Variants in NSMCE2 observed in about 807,000 individuals in gnomAD.
The protein encoded by NSMCE2 is NSE2 SUMO ligase component of SMC5/6 complex.
Under a neutral mutation model 23.8 loss-of-function variants are expected in NSMCE2, and 24 were observed. The ratio of observed to expected loss-of-function variants is 1.01; its 90% CI spans 0.73 to 1.42. NSMCE2 has a LOEUF of 1.42. NSMCE2 is among the 40% of genes most tolerant of loss of function. NSMCE2 has a pLI of 0.00. For synonymous variants in NSMCE2, 92 were observed against 94.1 expected (o/e 0.98, Z 0.13); for missense variants, 284 against 296.5 (o/e 0.96, Z 0.31).
chr8:125,280,723 C>G (rs528244597), intron 5 of NSMCE2, among the ~76,000 whole-genome samples: 1 of 152,172 alleles, frequency 6.6e-6, no homozygotes, highest in Non-Finnish European at 1.5e-5. Context: ...GGGTCCCAGA[C>G]AGGAGAAAGC....
chr8:125,116,831 A>G (rs143768704), intron 3 of NSMCE2, among the ~76,000 whole-genome samples: 218 of 151,996 alleles, frequency 1.4e-3, no homozygotes, highest in African/African-American at 4.4e-3. Context: ...ATATGGGCCA[A>G]TGGCCATACT....
intron 3 of NSMCE2, among the ~76,000 whole-genome samples, chr8:125,139,781 T>C (rs969442394): frequency 3.9e-5 from 6 of 152,164 alleles, no homozygotes; most frequent in African/African-American, 1.4e-4. Context: ...TTCCCACATA[T>C]ATTTGTTTGC....
intron 5 of NSMCE2, among the ~76,000 whole-genome samples, chr8:125,243,725 G>A (rs535330065): frequency 6.6e-6 from 1 of 152,248 alleles, no homozygotes; most frequent in East Asian, 1.9e-4. Flanking sequence ...TGGAGTGAGG[G>A]AGGCGATAGT....
chr8:125,326,060 A>G (rs566332837), intron 5 of NSMCE2, among the ~76,000 whole-genome samples: 8 of 152,262 alleles, frequency 5.3e-5, no homozygotes, highest in African/African-American at 1.9e-4. Context: ...GATCGAGACC[A>G]TCCTGGATAA....
chr8:125,200,473 A>C (rs202061522), intron 5 of NSMCE2, among the ~76,000 whole-genome samples: 1 of 152,000 alleles, frequency 6.6e-6, no homozygotes, highest in Admixed American at 6.6e-5. Flanking sequence ...GTTGAAAATT[A>C]TTTTCTTTAA....
chr8:125,096,161 C>T (rs1036804457), intron 1 of NSMCE2, among the ~76,000 whole-genome samples: 2 of 152,172 alleles, frequency 1.3e-5, no homozygotes, highest in South Asian at 2.1e-4. Flanking sequence ...CTGCATCAAG[C>T]TATCAAATGG....
chr8:125,246,631 A>G (rs1355657160), intron 5 of NSMCE2, among the ~76,000 whole-genome samples: 1 of 152,222 alleles, frequency 6.6e-6, no homozygotes, highest in African/African-American at 2.4e-5. Context: ...TCAAACTTTG[A>G]AGGAACACAA....
intron 5 of NSMCE2, among the ~76,000 whole-genome samples, chr8:125,245,483 A>C (rs1377648261): frequency 1.3e-5 from 2 of 152,248 alleles, no homozygotes; most frequent in African/African-American, 4.8e-5. Context: ...GCAAGAACAT[A>C]CATAACTTAC....
Position 125,280,854 on chromosome 8 carries a change from G to T in NSMCE2, c.419-76365G>T, listed in dbSNP as rs79398367. On this transcript the variant is annotated intron_variant, in intron 5 of 7. Coordinates refer to ENST00000287437, the MANE Select transcript of NSMCE2 (RefSeq NM_173685.4). Reference sequence around the variant, plus strand: ...GTAAGGGAAATCTCATTATAAACTGGTGTAGTTAATCTGTAACTATATTTG... The same window carrying T: ...GTAAGGGAAATCTCATTATAAACTGTTGTAGTTAATCTGTAACTATATTTG... Among the ~76,000 whole-genome samples, 724 of 152,294 alleles carry T rather than the reference G, an allele frequency of 4.8e-3. 6 individuals carry two copies. The highest frequency in any genetic ancestry group is 0.015 in the African/African-American group (642 of 41,558).
At chr8:125,325,942 A>C (rs1333656430) in intron 5 of NSMCE2, among the ~76,000 whole-genome samples, 1 of 149,668 alleles carries the variant, frequency 6.7e-6, no homozygotes, top group African/African-American at 2.5e-5. Flanking sequence ...ACAAGAGTGA[A>C]ACTCCGTCTC....
At chr8:125,350,767 G>A (rs72722603) in intron 5 of NSMCE2, among the ~76,000 whole-genome samples, 12,737 of 152,218 alleles carry the variant, frequency 0.084, 668 homozygotes, top group South Asian at 0.16. Context: ...GCCTCTCATT[G>A]GGTCCTTCCC....
At chr8:125,316,516 T>C (rs1829182675) in intron 5 of NSMCE2, among the ~76,000 whole-genome samples, 1 of 152,262 alleles carries the variant, frequency 6.6e-6, no homozygotes. Flanking sequence ...TATGTTATGA[T>C]CAACCAGCAG....
chr8:125,228,515 A>G (rs954952949), intron 5 of NSMCE2, among the ~76,000 whole-genome samples: 8 of 152,212 alleles, frequency 5.3e-5, no homozygotes, highest in Admixed American at 4.6e-4. Context: ...AATCAAGGGA[A>G]GACTTCCTGG....
At chr8:125,307,493 C>T (rs1433193045) in intron 5 of NSMCE2, among the ~76,000 whole-genome samples, 2 of 152,218 alleles carry the variant, frequency 1.3e-5, no homozygotes, top group African/African-American at 2.4e-5. Context: ...TGATACATCT[C>T]CTGAGCCCAT....
intron 5 of NSMCE2, among the ~76,000 whole-genome samples, chr8:125,207,550 A>G (rs537880526): frequency 1.3e-5 from 2 of 152,322 alleles, no homozygotes; most frequent in South Asian, 4.1e-4. Context: ...GTATTGTGAC[A>G]CCATTTAAGT....
chr8:125,320,731 A>G (rs1349075312), intron 5 of NSMCE2, among the ~76,000 whole-genome samples: 1 of 152,234 alleles, frequency 6.6e-6, no homozygotes, highest in Non-Finnish European at 1.5e-5. Context: ...AACCTGCATT[A>G]CAAGAAATGT....
At chr8:125,331,097 C>T (rs987142007) in intron 5 of NSMCE2, among the ~76,000 whole-genome samples, 2 of 152,056 alleles carry the variant, frequency 1.3e-5, no homozygotes, top group African/African-American at 2.4e-5. Flanking sequence ...GTCAAGAGAT[C>T]GAGACCATCC....
intron 4 of NSMCE2, among the ~76,000 whole-genome samples, chr8:125,160,644 C>A (rs1417757810): frequency 6.6e-6 from 1 of 152,154 alleles, no homozygotes; most frequent in East Asian, 1.9e-4. Context: ...AGATACCGCA[C>A]CCTTTAATAT....
At chr8:125,348,498 G>A (rs757581225) in intron 5 of NSMCE2, 8 of 152,128 alleles carry the variant, frequency 5.3e-5, no homozygotes, top group Non-Finnish European at 1.0e-4. Context: ...GAACTTATAT[G>A]GTTTGGCTGT....
Sources: allele counts gnomAD v4.1 joint callset (sites outside exome capture counted in the v4.1 genomes callset), GRCh38; gene constraint gnomAD v4.1.1; transcripts MANE v1.5; gene names NCBI Gene and HGNC (gene_info 2026-07-23, HGNC 2026-07-21).